The following PDE4B variants were observed in gnomAD, a reference collection of about 807,000 sequenced individuals.
PDE4B encodes the protein phosphodiesterase 4B.
In PDE4B, 20 loss-of-function variants were observed where a neutral mutation model predicts 82.2. The observed-to-expected ratio is 0.24, with a 90% CI of 0.17 to 0.35. The LOEUF is 0.35. Among genes scored for constraint, PDE4B ranks in the 10% least tolerant of loss-of-function variants. PDE4B has a pLI of 1.00. For missense variants in PDE4B, 655 were observed against 907.2 expected (o/e 0.72, Z 3.57); for synonymous variants, 320 against 318.9 (o/e 1.00, Z -0.04).
intron 1 of PDE4B, among the ~76,000 whole-genome samples, chr1:65,808,155 T>C (rs962507927): frequency 6.6e-6 from 1 of 150,620 alleles, no homozygotes; most frequent in African/African-American, 2.4e-5. Context: ...GTCCATCAAG[T>C]AGGTAGACAA....
intron 3 of PDE4B, among the ~76,000 whole-genome samples, chr1:66,047,518 C>T (rs1654782267): frequency 6.6e-6 from 1 of 151,872 alleles, no homozygotes; most frequent in Non-Finnish European, 1.5e-5. Flanking sequence ...GTATGCTGAG[C>T]TCCAGCCCAG....
intron 3 of PDE4B, among the ~76,000 whole-genome samples, chr1:66,130,206 A>C (rs1013899491): frequency 1.3e-5 from 2 of 152,230 alleles, no homozygotes; most frequent in African/African-American, 4.8e-5. Flanking sequence ...GACCAAGTGG[A>C]GCCTCCTTAA....
intron 3 of PDE4B, among the ~76,000 whole-genome samples, chr1:66,124,343 A>G (rs1030030129): frequency 6.6e-6 from 1 of 152,212 alleles, no homozygotes; most frequent in South Asian, 2.1e-4. Flanking sequence ...ACTGATGCAA[A>G]TTAGATAAAA....
intron 3 of PDE4B, among the ~76,000 whole-genome samples, chr1:66,218,384 C>A (rs970312515): frequency 1.3e-5 from 2 of 152,044 alleles, no homozygotes; most frequent in Admixed American, 6.6e-5. Context: ...AAACAAACCC[C>A]AAAGTTACAC....
intron 3 of PDE4B, among the ~76,000 whole-genome samples, chr1:65,936,384 CATT>C (rs1648140392): frequency 6.6e-6 from 1 of 152,160 alleles, no homozygotes; most frequent in Admixed American, 6.5e-5. Flanking sequence ...AATGCTACGA[CATT>C]ATTATATCAC....
intron 3 of PDE4B, among the ~76,000 whole-genome samples, chr1:66,057,582 G>C (rs1219965174): frequency 6.6e-6 from 1 of 152,178 alleles, no homozygotes. Context: ...ACATGGCTGG[G>C]AGGCTTCACA....
At chr1:66,247,725 A>G in intron 4 of PDE4B, 71 bp downstream of exon 4, 1 of 1,133,092 alleles carries the variant, frequency 8.8e-7, no homozygotes, top group Non-Finnish European at 1.3e-6. Context: ...AGTGGCAGCA[A>G]CAACAATTCC....
intron 1 of PDE4B, among the ~76,000 whole-genome samples, chr1:65,866,744 G>T (rs564629663): frequency 2.6e-5 from 4 of 152,284 alleles, no homozygotes; most frequent in African/African-American, 7.2e-5. Context: ...TCCAGTCAAT[G>T]GGAAGAACCC....
At chr1:66,266,559 C>A in intron 7 of PDE4B, 1 of 381,926 alleles carries the variant, frequency 2.6e-6, no homozygotes. Flanking sequence ...AAACCAAAGG[C>A]TCTTTCCAGG....
intron 1 of PDE4B, among the ~76,000 whole-genome samples, chr1:65,796,384 C>T (rs1315990639): frequency 6.7e-6 from 1 of 149,746 alleles, no homozygotes; most frequent in African/African-American, 2.5e-5. Context: ...TGTTGTCCTA[C>T]AAGACCCCGA....
At chr1:66,216,822 T>C (rs1380387620) in intron 3 of PDE4B, among the ~76,000 whole-genome samples, 1 of 152,132 alleles carries the variant, frequency 6.6e-6, no homozygotes, top group Non-Finnish European at 1.5e-5. Context: ...GCAGTCTTAA[T>C]AGCACAGTCA....
In PDE4B at chr1:66,313,491, G is replaced by C. The variant is rs1447486337; in HGVS notation, c.635-19017G>C. On this transcript the variant is annotated intron_variant, in intron 7 of 16. Coordinates refer to ENST00000341517, the MANE Select transcript of PDE4B (RefSeq NM_002600.4). ...CTTCTCCTGGCCTCAGTCTCATCAT[G>C]TGTGAACCAAAGAGTTGGATTAAAT... is the stretch of plus-strand genomic sequence containing the variant. Among the ~76,000 whole-genome samples the C allele has an allele frequency of 1.1e-4, 17 of 152,262 alleles. No homozygotes were observed. In the East Asian group the frequency reaches 3.3e-3, roughly 29 times the overall value.
intron 3 of PDE4B, among the ~76,000 whole-genome samples, chr1:65,968,169 C>T (rs139697614): frequency 8.3e-4 from 126 of 152,140 alleles, no homozygotes; most frequent in Middle Eastern, 3.4e-3. Context: ...TGAGTTCTAA[C>T]GCCAGCTCTT....
At chr1:66,022,645 C>G (rs1476178173) in intron 3 of PDE4B, among the ~76,000 whole-genome samples, 1 of 152,174 alleles carries the variant, frequency 6.6e-6, no homozygotes, top group South Asian at 2.1e-4. Flanking sequence ...CCTTGCATCC[C>G]AGGGATGAAA....
At chr1:66,140,898 C>T (rs1646157350) in intron 3 of PDE4B, among the ~76,000 whole-genome samples, 1 of 152,126 alleles carries the variant, frequency 6.6e-6, no homozygotes, top group African/African-American at 2.4e-5. Flanking sequence ...CTACTTCTGC[C>T]ACCCACTTAC....
intron 7 of PDE4B, among the ~76,000 whole-genome samples, chr1:66,269,853 G>A (rs1028251793): frequency 3.3e-5 from 5 of 152,154 alleles, no homozygotes; most frequent in South Asian, 2.1e-4. Flanking sequence ...TAGCACATCC[G>A]AGTCATGTAA....
At chr1:66,012,117 T>G (rs541921144) in intron 3 of PDE4B, among the ~76,000 whole-genome samples, 20 of 152,228 alleles carry the variant, frequency 1.3e-4, no homozygotes, top group African/African-American at 4.8e-4. Context: ...ATGCCACATT[T>G]TTTTAGCCAA....
intron 3 of PDE4B, among the ~76,000 whole-genome samples, chr1:66,212,003 T>C (rs1650089843): frequency 6.6e-6 from 1 of 152,234 alleles, no homozygotes; most frequent in African/African-American, 2.4e-5. Context: ...TATCCAAAAG[T>C]ACTCCAGCAC....
At chr1:66,087,454 C>T (rs1361498119) in intron 3 of PDE4B, among the ~76,000 whole-genome samples, 3 of 152,090 alleles carry the variant, frequency 2.0e-5, no homozygotes, top group Admixed American at 2.0e-4. Flanking sequence ...TGCCTGTTCA[C>T]TCTGATGGTA....
Sources: gnomAD v4.1 joint callset for allele counts (sites outside exome capture counted in the v4.1 genomes callset) on GRCh38, gnomAD v4.1.1 for gene constraint, MANE v1.5 for transcripts, NCBI Gene and HGNC (gene_info 2026-07-23, HGNC 2026-07-21) for gene names.